The following CSMD1 variants were observed in gnomAD, a reference collection of about 807,000 sequenced individuals.
CSMD1 encodes the protein CUB and Sushi multiple domains 1, also known as CUB and sushi domain-containing protein 1.
CSMD1 carries 213 observed loss-of-function variants against 417.5 expected under a neutral mutation model. The ratio of observed to expected loss-of-function variants is 0.51; its 90% CI spans 0.46 to 0.57. The LOEUF is 0.57. Among genes scored for constraint, CSMD1 ranks in the 20% least tolerant of loss-of-function variants. The pLI is 0.00. For synonymous variants in CSMD1, 2,862 were observed against 1,736.8 expected (o/e 1.65, Z -16.11); for missense variants, 6,923 against 4,529.7 (o/e 1.53, Z -15.17).
chr8:4,905,752 G>A (rs1315188857), intron 1 of CSMD1, among the ~76,000 whole-genome samples: 27 of 150,078 alleles, frequency 1.8e-4, no homozygotes, highest in South Asian at 1.3e-3. Flanking sequence ...ACCGGGAGGC[G>A]GAGCTTGCAG....
At chr8:3,021,271 G>A (rs939327791) in intron 51 of CSMD1, among the ~76,000 whole-genome samples, 1 of 152,166 alleles carries the variant, frequency 6.6e-6, no homozygotes, top group African/African-American at 2.4e-5. Context: ...TTGTAAAGAA[G>A]AAGTAATGGA....
chr8:4,385,247 A>ATTTTT (rs1803371033), intron 3 of CSMD1, among the ~76,000 whole-genome samples: 1 of 152,158 alleles, frequency 6.6e-6, no homozygotes, highest in African/African-American at 2.4e-5. Flanking sequence ...AAGTTCTTAA[A>ATTTTT]TAGGTGTTTG....
intron 4 of CSMD1, among the ~76,000 whole-genome samples, chr8:4,016,619 T>G (rs1300303629): frequency 2.0e-5 from 3 of 152,160 alleles, no homozygotes; most frequent in Non-Finnish European, 4.4e-5. Flanking sequence ...ATTATTTGGG[T>G]GAAGAGATGA....
intron 54 of CSMD1, among the ~76,000 whole-genome samples, chr8:2,986,188 C>A (rs542770639): frequency 2.0e-5 from 3 of 152,188 alleles, no homozygotes; most frequent in African/African-American, 4.8e-5. Flanking sequence ...GACTTTCCTG[C>A]GATAATATAA....
At chr8:3,846,297 A>T (rs1585082941) in intron 5 of CSMD1, among the ~76,000 whole-genome samples, 1 of 152,178 alleles carries the variant, frequency 6.6e-6, no homozygotes, top group Admixed American at 6.5e-5. Context: ...GGTGATAGGA[A>T]TATTCCAGCT....
chr8:4,674,304 T>G (rs1317610252), intron 1 of CSMD1, among the ~76,000 whole-genome samples: 5 of 152,042 alleles, frequency 3.3e-5, no homozygotes, highest in Non-Finnish European at 7.4e-5. Context: ...GGGATGGACC[T>G]GGATTGAGGC....
At chr8:3,465,616 G>A (rs991110586) in intron 12 of CSMD1, among the ~76,000 whole-genome samples, 2 of 152,138 alleles carry the variant, frequency 1.3e-5, no homozygotes, top group African/African-American at 2.4e-5. Context: ...GTGATCCGAA[G>A]ATTTGAGGGT....
At chr8:3,939,925 A>T (rs1249585894) in intron 5 of CSMD1, among the ~76,000 whole-genome samples, 5 of 152,104 alleles carry the variant, frequency 3.3e-5, no homozygotes, top group Non-Finnish European at 1.5e-5. Context: ...AACTTCTCGG[A>T]TGACAGGTGC....
intron 1 of CSMD1, among the ~76,000 whole-genome samples, chr8:4,912,161 A>T (rs1805730471): frequency 6.7e-6 from 1 of 149,320 alleles, no homozygotes; most frequent in African/African-American, 2.4e-5. Flanking sequence ...AAAAGAAAAG[A>T]ACGGAAAAGA....
intron 5 of CSMD1, among the ~76,000 whole-genome samples, chr8:3,792,934 A>G (rs2720779): frequency 1 from 151,583 of 152,308 alleles, 75,432 homozygotes; most frequent in Middle Eastern, 1. Flanking sequence ...TTCCTTTGGT[A>G]TTTTCAGATG....
At chr8:3,323,507 G>A (rs573759893) in intron 23 of CSMD1, among the ~76,000 whole-genome samples, 27 of 152,160 alleles carry the variant, frequency 1.8e-4, no homozygotes, top group Admixed American at 1.6e-3. Flanking sequence ...ATTTTTAGAA[G>A]GAGTTAAAAG....
At chr8:3,385,093 AATAT>A (rs1391051427) in intron 18 of CSMD1, among the ~76,000 whole-genome samples, 4 of 93,842 alleles carry the variant, frequency 4.3e-5, no homozygotes, top group Admixed American at 3.2e-4. Flanking sequence ...TTATATATAA[AATAT>A]ATATATAAAT....
chr8:4,168,961 C>T (rs1393352778), intron 3 of CSMD1, among the ~76,000 whole-genome samples: 1 of 152,120 alleles, frequency 6.6e-6, no homozygotes, highest in Non-Finnish European at 1.5e-5. Flanking sequence ...ATCATCTCTG[C>T]TATCCTCAGG....
At chr8:3,752,417 G>C (rs1028226339) in intron 6 of CSMD1, among the ~76,000 whole-genome samples, 1 of 152,096 alleles carries the variant, frequency 6.6e-6, no homozygotes, top group African/African-American at 2.4e-5. Flanking sequence ...CACTTTGGGA[G>C]GCCGAGGCAG....
chr8:3,188,801 A>T (rs1187498127), intron 35 of CSMD1, 86 bp downstream of exon 35: 3 of 1,201,400 alleles, frequency 2.5e-6, no homozygotes, highest in Non-Finnish European at 3.3e-6. Flanking sequence ...GAGAGATGGA[A>T]AGAAACATAG....
At position 4,803,668 on chromosome 8, in the gene CSMD1, T is replaced by A. The variant is rs146722585; in HGVS notation, c.86-166110A>T. On this transcript the variant is annotated intron_variant, in intron 1 of 69. Transcript: ENST00000635120. ...CAATAGAATTCAAAATGAAAACATA[T>A]CAGTAAAATAAAGTTAAGCTCATTT... 1.7e-4 allele frequency among the ~76,000 whole-genome samples: 26 copies of A among 152,322 alleles called. No homozygotes were observed. The East Asian group carries it at 5.0e-3, about 29-fold the overall frequency.
intron 7 of CSMD1, among the ~76,000 whole-genome samples, chr8:3,633,972 G>A (rs1225542453): frequency 6.6e-6 from 1 of 150,818 alleles, no homozygotes; most frequent in Admixed American, 6.6e-5. Flanking sequence ...GAAACATGAA[G>A]ATGAATATGC....
intron 3 of CSMD1, among the ~76,000 whole-genome samples, chr8:4,142,417 C>T (rs34764135): frequency 0.3 from 45,213 of 150,662 alleles, 8,422 homozygotes; most frequent in Non-Finnish European, 0.39. Flanking sequence ...AATATTTCTG[C>T]CTGCTACCAT....
At chr8:3,140,210 T>C (rs1013216953) in intron 41 of CSMD1, among the ~76,000 whole-genome samples, 29 of 152,260 alleles carry the variant, frequency 1.9e-4, no homozygotes, top group African/African-American at 6.7e-4. Context: ...CAGCCCCGAT[T>C]ACCCTTAAGT....
Sources: allele counts gnomAD v4.1 joint callset (sites outside exome capture counted in the v4.1 genomes callset), GRCh38; gene constraint gnomAD v4.1.1; transcripts MANE v1.5; gene names NCBI Gene and HGNC (gene_info 2026-07-23, HGNC 2026-07-21).